CALCRL: variants seen among roughly 807,000 people sequenced by gnomAD.
CALCRL encodes calcitonin gene-related peptide type 1 receptor.
A neutral mutation model predicts 60.4 loss-of-function variants in CALCRL; 27 were observed. The ratio of observed to expected loss-of-function variants is 0.45; its 90% CI spans 0.33 to 0.62. The LOEUF (loss-of-function observed/expected upper bound fraction) is 0.62, where lower values mean the gene tolerates loss of function less well. Among genes scored for constraint, CALCRL ranks in the 20% least tolerant of loss-of-function variants. CALCRL has a pLI of 0.03. For missense variants in CALCRL, 424 were observed against 540.7 expected (o/e 0.78, Z 2.14); for synonymous variants, 190 against 182.6 (o/e 1.04, Z -0.33).
chr2:187,378,450 T>A (rs114364366), intron 8 of CALCRL, among the ~76,000 whole-genome samples: 1,547 of 152,202 alleles, frequency 0.01, 35 homozygotes, highest in African/African-American at 0.036. Flanking sequence ...AAATTGAAAG[T>A]ACAATTAAAC....
chr2:187,440,156 G>T (rs1690824635), intron 1 of CALCRL, among the ~76,000 whole-genome samples: 1 of 151,938 alleles, frequency 6.6e-6, no homozygotes, highest in Non-Finnish European at 1.5e-5. Flanking sequence ...AAACTGGAAT[G>T]GATATACTGT....
At chr2:187,375,246 T>G in intron 8 of CALCRL, among the ~76,000 whole-genome samples, 1 of 132,692 alleles carries the variant, frequency 7.5e-6, no homozygotes, top group Non-Finnish European at 1.5e-5. Context: ...CAGTCCGCAG[T>G]CCGGCCTGGG....
chr2:187,422,917 A>C (rs1292819752), intron 1 of CALCRL, among the ~76,000 whole-genome samples: 1 of 151,988 alleles, frequency 6.6e-6, no homozygotes, highest in East Asian at 1.9e-4. Flanking sequence ...GGATCTTTGT[A>C]ATCCTAAGGA....
chr2:187,384,540 G>A (rs952849913), intron 4 of CALCRL, among the ~76,000 whole-genome samples: 1 of 152,204 alleles, frequency 6.6e-6, no homozygotes, highest in African/African-American at 2.4e-5. Flanking sequence ...AGTGGAGGGT[G>A]TGAGCTTAAG....
chr2:187,413,693 G>C (rs1389722398), intron 1 of CALCRL, among the ~76,000 whole-genome samples: 2 of 152,140 alleles, frequency 1.3e-5, no homozygotes, highest in African/African-American at 4.8e-5. Flanking sequence ...TATGTTGACA[G>C]TACAAGGGCT....
At chr2:187,350,577 A>T (rs192127392) in intron 14 of CALCRL, among the ~76,000 whole-genome samples, 1,584 of 148,896 alleles carry the variant, frequency 0.011, 37 homozygotes, top group African/African-American at 0.037. Flanking sequence ...ATATAGATAA[A>T]TAATAATAAT....
chr2:187,351,861 GGATA>G (rs1463390248), intron 14 of CALCRL, 55 bp downstream of exon 14: 86 of 1,033,226 alleles, frequency 8.3e-5, no homozygotes, highest in Non-Finnish European at 1.1e-4. Context: ...TTAAATACAT[GGATA>G]GATAGACAGA....
intron 1 of CALCRL, among the ~76,000 whole-genome samples, chr2:187,402,918 G>A (rs1417497814): frequency 6.6e-6 from 1 of 151,632 alleles, no homozygotes; most frequent in Non-Finnish European, 1.5e-5. Flanking sequence ...GCTTTTGGGA[G>A]ATAATTGGGT....
At chr2:187,385,523 T>A in intron 4 of CALCRL, 22 bp downstream of exon 4, 3 of 1,145,236 alleles carry the variant, frequency 2.6e-6, no homozygotes, top group Non-Finnish European at 3.9e-6. Context: ...ACAGACATAA[T>A]CATATATATT....
chr2:187,377,091 G>GAAC (rs2105771776), intron 8 of CALCRL, among the ~76,000 whole-genome samples: 1 of 152,252 alleles, frequency 6.6e-6, no homozygotes, highest in East Asian at 1.9e-4. Flanking sequence ...GAGGCAAAGA[G>GAAC]AACAGGCAGG....
In CALCRL at chr2:187,429,253, CA is replaced by C. The variant is rs1161813501; in HGVS notation, c.-293+18785del. Among the ~76,000 whole-genome samples, 1,336 of 143,718 alleles carry C rather than the reference CA, an allele frequency of 9.3e-3. 16 individuals carry two copies. The highest frequency in any genetic ancestry group is 0.032 in the African/African-American group (1,257 of 39,458). The allele number at this position is 143,718 out of a possible 152,430, so 94.3% of individuals were successfully genotyped here. A position where few individuals can be genotyped will look rare whatever the true frequency, so the allele number is the denominator to read the frequency against. On this transcript the variant is annotated intron_variant, in intron 1 of 14. Coordinates refer to ENST00000392370, the MANE Select transcript of CALCRL (RefSeq NM_005795.6). ...GTATGATTACATAAATAAAACCATA[CA>C]AAAAAAAAACCCTTGTAGTTAGAGG...
intron 1 of CALCRL, among the ~76,000 whole-genome samples, chr2:187,414,876 A>T (rs1005770925): frequency 1.7e-3 from 23 of 13,760 alleles, no homozygotes; most frequent in African/African-American, 2.3e-3. Context: ...CCAGAAAATT[A>T]TTTTTTTTTT....
At chr2:187,356,110 A>G (rs540648680) in intron 12 of CALCRL, among the ~76,000 whole-genome samples, 3 of 152,304 alleles carry the variant, frequency 2.0e-5, no homozygotes, top group African/African-American at 7.2e-5. Context: ...ATCCCCATCA[A>G]GCTACTATTG....
At chr2:187,353,246 C>G (rs1686613133) in intron 12 of CALCRL, among the ~76,000 whole-genome samples, 1 of 151,922 alleles carries the variant, frequency 6.6e-6, no homozygotes, top group Non-Finnish European at 1.5e-5. Flanking sequence ...CTTATGCCTT[C>G]CATAGAATCA....
At chr2:187,401,517 G>A (rs77233077) in intron 1 of CALCRL, among the ~76,000 whole-genome samples, 6,948 of 151,410 alleles carry the variant, frequency 0.046, 537 homozygotes, top group African/African-American at 0.16. Context: ...ACAAAATATT[G>A]TCTTTCCTTT....
At chr2:187,367,097 CCAAGA>C (rs1559045330) in intron 8 of CALCRL, among the ~76,000 whole-genome samples, 1 of 151,974 alleles carries the variant, frequency 6.6e-6, no homozygotes, top group East Asian at 1.9e-4. Context: ...ATGTTTAATA[CCAAGA>C]CAAAACAAGT....
chr2:187,360,512 G>T, intron 10 of CALCRL, 86 bp downstream of exon 10: 4 of 1,114,380 alleles, frequency 3.6e-6, no homozygotes, highest in African/African-American at 1.6e-5. Flanking sequence ...ATTACTCATT[G>T]GTATATTCAT....
intron 1 of CALCRL, among the ~76,000 whole-genome samples, chr2:187,421,532 A>G (rs1338764283): frequency 1.3e-5 from 2 of 152,224 alleles, no homozygotes; most frequent in Non-Finnish European, 2.9e-5. Flanking sequence ...TTTATAGTCA[A>G]CTGGAATGCC....
intron 1 of CALCRL, among the ~76,000 whole-genome samples, chr2:187,424,586 G>C (rs1001565041): frequency 2.0e-5 from 3 of 151,900 alleles, no homozygotes; most frequent in Non-Finnish European, 2.9e-5. Flanking sequence ...AAGTCAAAAG[G>C]CATCTGGCCA....
Sources: gnomAD v4.1 joint callset for allele counts (sites outside exome capture counted in the v4.1 genomes callset) on GRCh38, gnomAD v4.1.1 for gene constraint, MANE v1.5 for transcripts, NCBI Gene and HGNC (gene_info 2026-07-23, HGNC 2026-07-21) for gene names.